The following TTN variants were observed in gnomAD, a reference collection of about 807,000 sequenced individuals.
The protein encoded by TTN is connectin.
A neutral mutation model predicts 3,223.0 loss-of-function variants in TTN; 1,525 were observed. The observed-to-expected ratio is 0.47, with a 90% CI of 0.45 to 0.49. The LOEUF is 0.49. TTN is among the 20% of genes least tolerant of loss of function. The probability of loss-of-function intolerance (pLI) is 0.00; values close to 1 mark genes in which losing one functional copy is unlikely to be tolerated. For missense variants in TTN, 40,786 were observed against 43,424.0 expected (o/e 0.94, Z 5.40); for synonymous variants, 14,094 against 15,161.0 (o/e 0.93, Z 5.17).
At position 178,586,759 on chromosome 2, in the gene TTN, T is replaced by C. The variant is rs2154181598; in HGVS notation, c.64142A>G (p.Asn21381Ser). The stretch of plus-strand genomic sequence containing the variant: ...AGGTAACCAGGCTAAGGTGGCACTG[T>C]TCTTGGTCATTTCAGTCACTTCTAA... ...RKLEVTEMTK[N>S]SATLAWLPPL... The change falls in exon 308 of 363, where the codon AAC (asparagine) becomes AGC (serine). Residue 21381 changes from asparagine to serine, a missense_variant. By Grantham distance (46) the Asn-to-Ser change is conservative. Transcript: ENST00000589042. The C allele has an allele frequency of 6.2e-7, 1 of 1,613,032 alleles. No homozygotes were observed. The highest frequency in any genetic ancestry group is 2.2e-5 in the East Asian group (1 of 44,768).
chr2:178,546,163 C>A, intron 342 of TTN, 47 bp from the exon 343 acceptor site: 1 of 1,587,302 alleles, frequency 6.3e-7, no homozygotes, highest in Non-Finnish European at 8.6e-7. Context: ...ATTCTTTCTG[C>A]CCACACTGGA....
At position 178,651,563 on chromosome 2, in the gene TTN, A is replaced by C. The variant is rs751336599; in HGVS notation, c.39464-27T>G. ...TATAAAAGATATTAGTAGTTGTTTA[A>C]GCTCATGGTTTCAATGAAATGTGAA... On this transcript the variant is annotated intron_variant, in intron 206 of 362. Transcript: ENST00000589042. 6 of 1,611,538 alleles carry C rather than the reference A, an allele frequency of 3.7e-6. No homozygotes were observed. The African/African-American group carries it at 5.4e-5, about 14-fold the overall frequency.
At chr2:178,559,253 A>G (rs779261376) in intron 326 of TTN, 58 bp downstream of exon 326, 3 of 1,436,422 alleles carry the variant, frequency 2.1e-6, no homozygotes, top group East Asian at 2.3e-5. Flanking sequence ...AGAATGACTC[A>G]CACTATTCTA....
chr2:178,609,979 AG>A lies in TTN; in HGVS notation c.51443del (p.Pro17148LeufsTer5), dbSNP rs1488940180. 6.2e-7 allele frequency: 1 copy of A among 1,611,026 alleles called. No homozygotes were observed. The highest frequency in any genetic ancestry group is 8.5e-7 in the Non-Finnish European group (1 of 1,178,722). On this transcript the variant is annotated frameshift_variant, in exon 272 of 363. Transcript: ENST00000589042. LOFTEE classifies it high-confidence loss of function. Reference protein sequence around the residue: ...PVIAQDPKQPPDPPVDVEVHN... With the variant: ...PVIAQDPKQPXDPPVDVEVHN... The stretch of plus-strand genomic sequence containing the variant: ...GAACCTCTACATCTACAGGTGGATC[AG>A]GGGGTTCTGAAGAACAAGAAAAAAA...
In TTN at chr2:178,540,294, T is replaced by A; in HGVS notation, c.97872A>T (p.Pro32624=). Residue 32624 remains proline, a synonymous_variant, in exon 351 of 363, where the codon CCA becomes CCT. Transcript: ENST00000589042. The part of the protein sequence containing the change: ...RTSVSLAWSV[P]EDEGGSKVTG... ...TGACTTTAGATCCTCCTTCATCTTC[T>A]GGAACACTCCAGGCCAGGGAGACTG... The A allele has an allele frequency of 1.2e-6, 2 of 1,613,826 alleles. No individual in the cohort carries two copies. The highest frequency in any genetic ancestry group is 1.7e-6 in the Non-Finnish European group (2 of 1,179,750).
chr2:178,649,573 TG>T lies in TTN; in HGVS notation c.39953del (p.Pro13318GlnfsTer18), dbSNP rs1365053452. The T allele has an allele frequency of 6.5e-7, 1 of 1,550,002 alleles. No homozygotes were observed. Among genetic ancestry groups the T allele is most frequent in the Admixed American group, 2.0e-5 (1 of 50,966 alleles). On this transcript the variant is annotated frameshift_variant, in exon 212 of 363. Transcript: ENST00000589042. LOFTEE classifies it high-confidence loss of function. The stretch of plus-strand genomic sequence containing the variant: ...GAATACCTTTAGCTGCTGGTGTTTC[TG>T]GCTTCTTAACAGTTGGGACCTTCTT... ...PVKKVPTVKK[P>X]ETPAAKVPEV...
In TTN at chr2:178,767,803, C is replaced by T; in HGVS notation, c.9427G>A (p.Glu3143Lys). 1 of 1,614,176 alleles carries T rather than the reference C, an allele frequency of 6.2e-7. No homozygotes were observed. The highest frequency in any genetic ancestry group is 8.5e-7 in the Non-Finnish European group (1 of 1,180,012). The change falls in exon 40 of 363, where the codon GAA becomes AAA. Residue 3143 changes from glutamate (E) to lysine (K), a missense_variant. Physicochemically the swap from Glu to Lys is moderately conservative, Grantham distance 56. Coordinates refer to ENST00000589042, the MANE Select transcript of TTN (RefSeq NM_001267550.2). ...GNVSTAKLFVEGRDVRIRSIK... is the reference protein window; with the variant it reads ...GNVSTAKLFVKGRDVRIRSIK... ...CTTCGGATGCGAACATCTCTGCCTTCTACAAAGAGTTTTGCAGTTGACACG... is the reference window on the plus strand; with the variant it reads ...CTTCGGATGCGAACATCTCTGCCTTTTACAAAGAGTTTTGCAGTTGACACG...
intron 166 of TTN, 33 bp from the exon 167 acceptor site, chr2:178,664,770 T>C: frequency 1.2e-6 from 2 of 1,611,148 alleles, no homozygotes; most frequent in Non-Finnish European, 1.7e-6. Context: ...TGTTTAGTGT[T>C]ATGCAGATAA....
chr2:178,606,397 G>C (rs768044615), intron 278 of TTN, among the ~76,000 whole-genome samples: 1 of 151,876 alleles, frequency 6.6e-6, no homozygotes, highest in Admixed American at 6.6e-5. Flanking sequence ...GGGGGTGATG[G>C]TGAAGGAATA....
chr2:178,684,548 C>A, intron 131 of TTN, 118 bp downstream of exon 131: 1 of 1,339,254 alleles, frequency 7.5e-7, no homozygotes. Context: ...TAATACTCTA[C>A]CCAAAGACAC....
rs753171284 is a variant in TTN at position 178,669,699 on chromosome 2, A to AT, written c.35387-25dup. ...TGCTTTAAAGATATTTATTTATCTTATTTTTTCAGAACATTATAGTTGGGT... is the reference window on the plus strand; with the variant it reads ...TGCTTTAAAGATATTTATTTATCTTATTTTTTTCAGAACATTATAGTTGGGT... On this transcript the variant is annotated intron_variant, in intron 157 of 362. Transcript: ENST00000589042. The AT allele has an allele frequency of 5.0e-6, 8 of 1,604,708 alleles. No individual in the cohort carries two copies. The African/African-American group carries it at 5.4e-5, about 11-fold the overall frequency.
chr2:178,530,407 G>A lies in TTN; in HGVS notation c.106208C>T (p.Thr35403Ile), dbSNP rs1238858589. 3 of 1,613,922 alleles carry A rather than the reference G, an allele frequency of 1.9e-6. No homozygotes were observed. In the Admixed American group the frequency reaches 5.0e-5, roughly 27 times the overall value. Reference protein sequence around the residue: ...KKSDQKTTESTVTRKTEPKAP... With the variant: ...KKSDQKTTESIVTRKTEPKAP... ...TTTTGGTTCAGTTTTTCTGGTTACT[G>A]TTGACTCAGTGGTTTTCTGATCTGA... Residue 35403 changes from threonine (T) to isoleucine (I), a missense_variant, in exon 358 of 363, where the codon ACA becomes ATA. Transcript: ENST00000589042.
chr2:178,668,580 A>G (rs2066377053), intron 159 of TTN, among the ~76,000 whole-genome samples: 1 of 151,914 alleles, frequency 6.6e-6, no homozygotes, highest in Non-Finnish European at 1.5e-5. Context: ...AAAATACACA[A>G]AATTAGCCGG....
Position 178,573,924 on chromosome 2 carries a change from G to C in TTN, c.72208C>G (p.Leu24070Val). ...TMEWSKDGKE[L>V]EGTAKLEIKI... Reference sequence around the variant, plus strand: ...ATTTCTAACTTTGCTGTGCCTTCCAGCTCTTTTCCATCTTTGCTCCATTCC... The same window carrying C: ...ATTTCTAACTTTGCTGTGCCTTCCACCTCTTTTCCATCTTTGCTCCATTCC... Residue 24070 changes from leucine to valine, a missense_variant, in exon 326 of 363, where the codon CTG (leucine) becomes GTG (valine). Transcript: ENST00000589042. 6.2e-7 allele frequency: 1 copy of C among 1,613,100 alleles called. No homozygotes were observed. The highest frequency in any genetic ancestry group is 8.5e-7 in the Non-Finnish European group (1 of 1,179,432).
chr2:178,630,213 AT>A (rs2059629579), intron 239 of TTN, 27 bp downstream of exon 239: 2 of 1,610,798 alleles, frequency 1.2e-6, no homozygotes, highest in Non-Finnish European at 1.7e-6. Flanking sequence ...TGTTTATTTA[AT>A]TTCCCTGAAA....
Position 178,535,231 on chromosome 2 carries a change from T to C in TTN, c.101384A>G (p.Glu33795Gly). 1 of 1,613,948 alleles carries C rather than the reference T, an allele frequency of 6.2e-7. No individual in the cohort carries two copies. Among genetic ancestry groups the C allele is most frequent in the Non-Finnish European group, 8.5e-7 (1 of 1,179,854 alleles). The change falls in exon 358 of 363, where the codon GAG becomes GGG. Residue 33795 changes from glutamate to glycine, a missense_variant. Physicochemically the swap from Glu to Gly is moderately conservative, Grantham distance 98. Transcript: ENST00000589042. ...DKTRAMNYDEEVDETREVSMT... is the reference protein window; with the variant it reads ...DKTRAMNYDEGVDETREVSMT... Reference sequence around the variant, plus strand: ...GGAGACTTCCCTGGTTTCATCTACCTCTTCATCATAGTTCATAGCTCTGGT... The same window carrying C: ...GGAGACTTCCCTGGTTTCATCTACCCCTTCATCATAGTTCATAGCTCTGGT...
intron 142 of TTN, 82 bp from the exon 143 acceptor site, chr2:178,678,912 T>A: frequency 1.9e-6 from 2 of 1,079,694 alleles, no homozygotes; most frequent in Non-Finnish European, 2.7e-6. Context: ...AGGCCTTAAC[T>A]GAAGCAGCAT....
Position 178,706,869 on chromosome 2 carries a change from G to C in TTN, c.29127C>G (p.Val9709=), listed in dbSNP as rs769063245. The C allele has an allele frequency of 2.2e-5, 35 of 1,611,722 alleles. No individual in the cohort carries two copies. In the South Asian group the frequency reaches 3.8e-4, roughly 17 times the overall value. ...CTCATGAAGTGCACTTACTTTCTAC[G>C]ACTCTGATACTCTGAGGTTCTGACA... ...FFVSEPQSIR[V]VEKTTATFIA... Residue 9709 remains valine (V), a synonymous_variant, in exon 101 of 363, where the codon GTC becomes GTG. Transcript: ENST00000589042.
chr2:178,664,610 G>GA (rs747991795), intron 167 of TTN, 44 bp downstream of exon 167: 2 of 1,607,116 alleles, frequency 1.2e-6, no homozygotes, highest in Admixed American at 1.7e-5. Flanking sequence ...ATTTATACAA[G>GA]AAAAGACATG....
Sources: gnomAD v4.1 joint callset for allele counts (sites outside exome capture counted in the v4.1 genomes callset) on GRCh38, gnomAD v4.1.1 for gene constraint, MANE v1.5 for transcripts, NCBI Gene and HGNC (gene_info 2026-07-23, HGNC 2026-07-21) for gene names.